SYTL3: variants seen among roughly 807,000 people sequenced by gnomAD.
The protein encoded by SYTL3 is synaptotagmin like 3.
SYTL3 carries 88 observed loss-of-function variants against 82.1 expected under a neutral mutation model. The ratio of observed to expected loss-of-function variants is 1.07; its 90% CI spans 0.90 to 1.28. The LOEUF (loss-of-function observed/expected upper bound fraction) is 1.28. Ranked by LOEUF, SYTL3 falls within the 50% of genes most tolerant of loss-of-function variation. SYTL3 has a pLI of 0.00. For missense variants in SYTL3, 831 were observed against 757.6 expected, an observed-to-expected ratio of 1.10 and a Z score of -1.14; for synonymous variants, 311 against 289.4, an observed-to-expected ratio of 1.07 and a Z score of -0.76.
intron 6 of SYTL3, among the ~76,000 whole-genome samples, chr6:158,693,855 C>CTTTTCTTTTTTTTTTTTT (rs71030191): frequency 1.0e-5 from 1 of 96,866 alleles, no homozygotes; most frequent in Non-Finnish European, 1.9e-5. Flanking sequence ...TTTTTCTTTT[C>CTTTTCTTTTTTTTTTTTT]TTTTTTTTTT....
At chr6:158,754,285 G>C (rs78406092) in intron 13 of SYTL3, among the ~76,000 whole-genome samples, 7,489 of 152,214 alleles carry the variant, frequency 0.049, 214 homozygotes, top group Non-Finnish European at 0.061. Flanking sequence ...TGGGGGCCTG[G>C]AGAGGATGAA....
At chr6:158,708,071 A>G (rs576209417) in intron 7 of SYTL3, among the ~76,000 whole-genome samples, 8 of 152,228 alleles carry the variant, frequency 5.3e-5, no homozygotes, top group African/African-American at 1.9e-4. Context: ...CTGTTTCAGA[A>G]CACATGACTG....
intron 11 of SYTL3, among the ~76,000 whole-genome samples, chr6:158,731,947 A>G (rs1785468318): frequency 2.0e-5 from 3 of 152,216 alleles, no homozygotes; most frequent in African/African-American, 7.2e-5. Flanking sequence ...CTGTTTAATT[A>G]TGCCTTATAA....
chr6:158,688,326 G>C (rs1358839673), intron 6 of SYTL3, among the ~76,000 whole-genome samples: 1 of 152,148 alleles, frequency 6.6e-6, no homozygotes, highest in Non-Finnish European at 1.5e-5. Context: ...TACTTGAAAG[G>C]CTTTTGATGT....
At chr6:158,730,331 C>T (rs1036386662) in intron 11 of SYTL3, among the ~76,000 whole-genome samples, 27 of 152,332 alleles carry the variant, frequency 1.8e-4, no homozygotes, top group Admixed American at 3.3e-4. Flanking sequence ...GGTGTGCTGT[C>T]GTCATTGTTC....
chr6:158,725,398 A>G (rs537614218), intron 10 of SYTL3, 105 bp from the exon 11 acceptor site: 2 of 1,303,430 alleles, frequency 1.5e-6, no homozygotes, highest in Admixed American at 4.1e-5. Context: ...AGAAGTTTGC[A>G]TGTTAGTAAC....
At chr6:158,661,039 A>G (rs1789323074) in intron 2 of SYTL3, among the ~76,000 whole-genome samples, 1 of 152,200 alleles carries the variant, frequency 6.6e-6, no homozygotes. Flanking sequence ...TGGGTGACAG[A>G]ATGAGGTCCT....
At chr6:158,708,420 A>G (rs781034088) in intron 8 of SYTL3, 29 bp downstream of exon 8, 2 of 1,599,436 alleles carry the variant, frequency 1.3e-6, no homozygotes, top group Non-Finnish European at 1.7e-6. Context: ...GCACTTCTCT[A>G]GTAGGGGTCA....
intron 9 of SYTL3, among the ~76,000 whole-genome samples, chr6:158,714,455 AT>A: frequency 6.6e-6 from 1 of 152,094 alleles, no homozygotes; most frequent in Admixed American, 6.5e-5. Context: ...TCTGCATGGA[AT>A]TACTTGCCTT....
At chr6:158,684,381 T>A (rs1979541) in intron 6 of SYTL3, among the ~76,000 whole-genome samples, 3 of 152,120 alleles carry the variant, frequency 2.0e-5, no homozygotes, top group African/African-American at 7.2e-5. Context: ...GCAATGTATG[T>A]TGTGCCAGTG....
intron 8 of SYTL3, among the ~76,000 whole-genome samples, chr6:158,711,910 C>A (rs1014869189): frequency 6.6e-6 from 1 of 152,164 alleles, no homozygotes; most frequent in African/African-American, 2.4e-5. Flanking sequence ...TTTACTGCAA[C>A]CTGTTTTATC....
intron 6 of SYTL3, among the ~76,000 whole-genome samples, chr6:158,698,021 C>G (rs1039885675): frequency 6.6e-6 from 1 of 152,208 alleles, no homozygotes; most frequent in Non-Finnish European, 1.5e-5. Flanking sequence ...CAGTCCTGCT[C>G]TGTGTCTTCT....
At chr6:158,665,001 A>C (rs981881045) in intron 4 of SYTL3, among the ~76,000 whole-genome samples, 2 of 152,114 alleles carry the variant, frequency 1.3e-5, no homozygotes, top group African/African-American at 2.4e-5. Flanking sequence ...AGATTATTCC[A>C]TGCCTTGCAG....
chr6:158,732,281 T>A (rs1748533282), intron 11 of SYTL3, among the ~76,000 whole-genome samples: 1 of 151,920 alleles, frequency 6.6e-6, no homozygotes, highest in Non-Finnish European at 1.5e-5. Flanking sequence ...CATCAATCAC[T>A]CCTCCCAAGC....
At chr6:158,651,413 A>G (rs917286164) in intron 1 of SYTL3, among the ~76,000 whole-genome samples, 1 of 151,944 alleles carries the variant, frequency 6.6e-6, no homozygotes, top group Non-Finnish European at 1.5e-5. Context: ...CAACATGGTG[A>G]AACTCTACTA....
At chr6:158,714,262 G>A (rs1294927031) in intron 9 of SYTL3, among the ~76,000 whole-genome samples, 3 of 152,024 alleles carry the variant, frequency 2.0e-5, no homozygotes, top group African/African-American at 7.2e-5. Context: ...TGAGGCAGGA[G>A]AATCACTTGA....
chr6:158,665,273 C>T, intron 4 of SYTL3, 122 bp from the exon 5 acceptor site: 1 of 830,326 alleles, frequency 1.2e-6, no homozygotes, highest in Middle Eastern at 3.5e-4. Flanking sequence ...TGTTGGAGTC[C>T]AGGGATGTCG....
intron 6 of SYTL3, among the ~76,000 whole-genome samples, chr6:158,688,697 T>G (rs1342609685): frequency 2.0e-5 from 3 of 152,232 alleles, no homozygotes; most frequent in African/African-American, 7.2e-5. Context: ...AGAACAATTG[T>G]TGACATTTTA....
At chr6:158,744,300 C>CTTTTT (rs1787322577) in intron 11 of SYTL3, among the ~76,000 whole-genome samples, 3 of 79,656 alleles carry the variant, frequency 3.8e-5, no homozygotes, top group Non-Finnish European at 4.8e-5. Context: ...TTTTCTTTTT[C>CTTTTT]TTTCTTTTTT....
Sources: gnomAD v4.1 joint callset for allele counts (sites outside exome capture counted in the v4.1 genomes callset) on GRCh38, gnomAD v4.1.1 for gene constraint, MANE v1.5 for transcripts, NCBI Gene and HGNC (gene_info 2026-07-23, HGNC 2026-07-21) for gene names.